Variants in SLIT2 observed in about 807,000 individuals in gnomAD.
SLIT2 encodes slit homolog 2 protein.
Under a neutral mutation model 185.7 loss-of-function variants are expected in SLIT2, and 41 were observed. The observed-to-expected ratio is 0.22, with a 90% confidence interval of 0.17 to 0.29. SLIT2 has a LOEUF of 0.29. SLIT2 is among the 10% of genes least tolerant of loss of function. The pLI, the probability that SLIT2 is intolerant of heterozygous loss-of-function variation, is 1.00. For missense variants in SLIT2, 1,571 were observed against 1,909.0 expected (o/e 0.82, Z 3.30); for synonymous variants, 693 against 680.2 (o/e 1.02, Z -0.29).
intron 4 of SLIT2, among the ~76,000 whole-genome samples, chr4:20,455,399 C>T (rs561533830): frequency 6.6e-6 from 1 of 152,176 alleles, no homozygotes; most frequent in African/African-American, 2.4e-5. Flanking sequence ...GATAGCCATG[C>T]TCTAATAAAT....
chr4:20,400,928 A>G (rs1444827062), intron 4 of SLIT2, among the ~76,000 whole-genome samples: 1 of 151,828 alleles, frequency 6.6e-6, no homozygotes, highest in Admixed American at 6.6e-5. Context: ...ATATAACTGA[A>G]CTCTGAGATT....
At chr4:20,516,211 T>C (rs1426875552) in intron 11 of SLIT2, among the ~76,000 whole-genome samples, 1 of 152,190 alleles carries the variant, frequency 6.6e-6, no homozygotes, top group African/African-American at 2.4e-5. Flanking sequence ...AAGGGCTAAA[T>C]TGTGTTTAAC....
chr4:20,504,364 C>T (rs1460454649), intron 9 of SLIT2, among the ~76,000 whole-genome samples: 3 of 152,052 alleles, frequency 2.0e-5, no homozygotes, highest in East Asian at 1.9e-4. Flanking sequence ...GGAGAAAACG[C>T]GAAGAAGTGT....
At chr4:20,463,790 G>A (rs930957783) in intron 4 of SLIT2, among the ~76,000 whole-genome samples, 7 of 149,790 alleles carry the variant, frequency 4.7e-5, no homozygotes, top group South Asian at 2.1e-4. Context: ...GAAGGAGAAT[G>A]TCGTGAACCC....
intron 3 of SLIT2, among the ~76,000 whole-genome samples, chr4:20,258,199 G>A (rs1712054593): frequency 6.6e-6 from 1 of 151,756 alleles, no homozygotes; most frequent in African/African-American, 2.4e-5. Context: ...GGTACTTAAA[G>A]ATGTACAAGC....
intron 4 of SLIT2, among the ~76,000 whole-genome samples, chr4:20,335,640 G>A (rs970869562): frequency 6.6e-6 from 1 of 152,120 alleles, no homozygotes; most frequent in Non-Finnish European, 1.5e-5. Context: ...TGGGTCATCA[G>A]ATCTCAGGTT....
intron 4 of SLIT2, among the ~76,000 whole-genome samples, chr4:20,447,168 A>C (rs917142408): frequency 6.6e-6 from 1 of 152,228 alleles, no homozygotes; most frequent in African/African-American, 2.4e-5. Context: ...CACATTATCC[A>C]TAAGATTCTG....
At chr4:20,542,716 C>A in intron 21 of SLIT2, 90 bp downstream of exon 21, 1 of 1,329,430 alleles carries the variant, frequency 7.5e-7, no homozygotes, top group Non-Finnish European at 1.1e-6. Flanking sequence ...TCTTTACAAT[C>A]TTCTTTACAA....
At chr4:20,361,057 A>T (rs143756858) in intron 4 of SLIT2, among the ~76,000 whole-genome samples, 78 of 152,278 alleles carry the variant, frequency 5.1e-4, no homozygotes, top group African/African-American at 1.8e-3. Flanking sequence ...TCAATATTTG[A>T]TATTTCATTT....
chr4:20,469,731 T>C (rs1319370707), intron 5 of SLIT2, among the ~76,000 whole-genome samples: 1 of 150,912 alleles, frequency 6.6e-6, no homozygotes, highest in African/African-American at 2.4e-5. Flanking sequence ...TTAGTCAGCT[T>C]CATTAAGCCT....
In SLIT2 at chr4:20,440,976, C is replaced by T. The variant is rs115056759; in HGVS notation, c.396-26776C>T. On this transcript the variant is annotated intron_variant, in intron 4 of 36. Coordinates refer to ENST00000504154, the MANE Select transcript of SLIT2 (RefSeq NM_004787.4). ...TTTTCACTGCAATTAAAACTATAAC[C>T]CCAACTTCACTGAATTATCTTTCTG... Among the ~76,000 whole-genome samples, 1,106 of 152,100 alleles carry T rather than the reference C, an allele frequency of 7.3e-3. 5 individuals carry two copies. The highest frequency in any genetic ancestry group is 0.014 in the Middle Eastern group (4 of 294).
chr4:20,357,822 A>G (rs1345415235), intron 4 of SLIT2, among the ~76,000 whole-genome samples: 4 of 152,142 alleles, frequency 2.6e-5, no homozygotes, highest in Non-Finnish European at 5.9e-5. Flanking sequence ...TACAATATTA[A>G]TATTGCTACA....
chr4:20,256,317 G>GGC (rs1560258665), intron 1 of SLIT2, among the ~76,000 whole-genome samples: 4 of 57,610 alleles, frequency 6.9e-5, no homozygotes, highest in Admixed American at 4.3e-4. Flanking sequence ...CTTTTTTTTT[G>GGC]GGGGGGGTGC....
At position 20,252,533 on chromosome 4, in the gene SLIT2, G is replaced by A. The variant is rs1444611489; in HGVS notation, c.-1283G>A. Among the ~76,000 whole-genome samples the A allele has an allele frequency of 6.6e-6, 1 of 152,048 alleles. No individual in the cohort carries two copies. The highest frequency in any genetic ancestry group is 1.5e-5 in the Non-Finnish European group (1 of 67,998). ...CTTGGGGGACGGAATTCAAAGCCTG[G>A]GAAAAGTTGCTGCACTTTGAGAAGG... On this transcript the variant is annotated 5_prime_UTR_variant, in exon 1 of 37. Transcript: ENST00000504154.
intron 3 of SLIT2, among the ~76,000 whole-genome samples, chr4:20,258,780 A>T (rs1712127715): frequency 6.6e-6 from 1 of 151,792 alleles, no homozygotes; most frequent in Non-Finnish European, 1.5e-5. Flanking sequence ...GAAGGCAAAG[A>T]AAAGCTCTAG....
chr4:20,405,788 T>C (rs975069593), intron 4 of SLIT2, among the ~76,000 whole-genome samples: 1 of 152,012 alleles, frequency 6.6e-6, no homozygotes, highest in Admixed American at 6.6e-5. Context: ...AATGTGGTAT[T>C]TTTAAATTAA....
chr4:20,516,588 G>T (rs545755608), intron 11 of SLIT2, among the ~76,000 whole-genome samples: 17 of 152,170 alleles, frequency 1.1e-4, no homozygotes, highest in African/African-American at 3.1e-4. Flanking sequence ...ATATCTTTAT[G>T]TGATGATATT....
At chr4:20,279,813 G>T (rs191392083) in intron 4 of SLIT2, among the ~76,000 whole-genome samples, 1 of 152,172 alleles carries the variant, frequency 6.6e-6, no homozygotes, top group East Asian at 1.9e-4. Flanking sequence ...CCATATAATG[G>T]GTTGTCACAT....
intron 4 of SLIT2, among the ~76,000 whole-genome samples, chr4:20,417,781 G>C (rs899254865): frequency 6.6e-6 from 1 of 151,644 alleles, no homozygotes; most frequent in African/African-American, 2.4e-5. Context: ...GCCTCCCAAA[G>C]TGCTGGGATT....
Sources: allele counts gnomAD v4.1 joint callset (sites outside exome capture counted in the v4.1 genomes callset), GRCh38; gene constraint gnomAD v4.1.1; transcripts MANE v1.5; gene names NCBI Gene and HGNC (gene_info 2026-07-23, HGNC 2026-07-21).